The following NUMB variants were observed in gnomAD, a reference collection of about 807,000 sequenced individuals.
NUMB encodes protein numb homolog.
A neutral mutation model predicts 59.7 loss-of-function variants in NUMB; 29 were observed. That is an observed-to-expected ratio of 0.49 (90% CI 0.36 to 0.66). The LOEUF (loss-of-function observed/expected upper bound fraction) is 0.66. NUMB is among the 30% of genes least tolerant of loss of function. The probability of loss-of-function intolerance (pLI) is 0.00; values close to 1 mark genes in which losing one functional copy is unlikely to be tolerated. For synonymous variants in NUMB, 288 were observed against 288.2 expected (o/e 1.00, Z 0.01); for missense variants, 723 against 822.0 (o/e 0.88, Z 1.47).
In NUMB at chr14:73,292,725, T is replaced by G; in HGVS notation, c.450+9A>C. 6.2e-7 allele frequency: 1 copy of G among 1,613,970 alleles called. No individual in the cohort carries two copies. Among genetic ancestry groups the G allele is most frequent in the Non-Finnish European group, 8.5e-7 (1 of 1,179,894 alleles). On this transcript the variant is annotated intron_variant, in intron 8 of 12. Coordinates refer to ENST00000555238, the MANE Select transcript of NUMB (RefSeq NM_001005743.2). ...TACTCATCATGAAATACATATTTGC[T>G]GGACTCACTGTGTCCTTGACAGCCA... is the stretch of plus-strand genomic sequence containing the variant.
At chr14:73,289,766 A>G (rs1170865906) in intron 8 of NUMB, among the ~76,000 whole-genome samples, 1 of 152,222 alleles carries the variant, frequency 6.6e-6, no homozygotes, top group Non-Finnish European at 1.5e-5. Flanking sequence ...GTAGGATGAC[A>G]TTAGGCCAGA....
At chr14:73,333,545 TTTCTA>T (rs1005563248) in intron 4 of NUMB, among the ~76,000 whole-genome samples, 28 of 152,130 alleles carry the variant, frequency 1.8e-4, no homozygotes, top group African/African-American at 6.7e-4. Flanking sequence ...TTTGGAGAAA[TTTCTA>T]TTCAAGTCCT....
intron 6 of NUMB, among the ~76,000 whole-genome samples, chr14:73,300,804 C>A (rs183942799): frequency 2.0e-5 from 3 of 152,064 alleles, no homozygotes; most frequent in Admixed American, 6.6e-5. Flanking sequence ...ATTCCTCCCC[C>A]CTCCCCTCAC....
Position 73,276,828 on chromosome 14 carries a change from C to A in NUMB, c.1706G>T (p.Ser569Ile). ...CTTAAAGAAGGGACTGGTGGTAGCACTGCTTGCCTCGTAGTGAGGGAATGT... is the reference window on the plus strand; with the variant it reads ...CTTAAAGAAGGGACTGGTGGTAGCAATGCTTGCCTCGTAGTGAGGGAATGT... The part of the protein sequence containing the change: ...QQTFPHYEAS[S>I]ATTSPFFKPP... The change falls in exon 13 of 13, where the codon AGT becomes ATT. Residue 569 changes from serine (S) to isoleucine (I), a missense_variant. This residue lies in a region of NUMB where 406 missense variants were observed against 385.4 expected (regional missense o/e 1.05). Transcript: ENST00000555238. The A allele has an allele frequency of 6.2e-7, 1 of 1,614,106 alleles. No homozygotes were observed. Among genetic ancestry groups the A allele is most frequent in the Non-Finnish European group, 8.5e-7 (1 of 1,180,018 alleles).
Position 73,355,684 on chromosome 14 carries a change from T to C in NUMB, c.68A>G (p.His23Arg), listed in dbSNP as rs778980699. 54 of 1,613,672 alleles carry C rather than the reference T, an allele frequency of 3.3e-5. No individual in the cohort carries two copies. The highest frequency in any genetic ancestry group is 4.5e-5 in the Non-Finnish European group (53 of 1,179,606). Residue 23 changes from histidine to arginine, a missense_variant, in exon 4 of 13, where the codon CAT (histidine) becomes CGT (arginine). Physicochemically the swap from His to Arg is conservative, Grantham distance 29 (BLOSUM62 0). Around this residue, in one of 2 missense-constraint regions of NUMB, gnomAD observed 317 missense variants for 436.6 expected, o/e 0.73. Coordinates refer to ENST00000555238, the MANE Select transcript of NUMB (RefSeq NM_001005743.2). Reference protein sequence around the residue: ...DVYVPEASRPHQWQTDEEGVR... With the variant: ...DVYVPEASRPRQWQTDEEGVR... ...GCCTTCTTCATCTGTCTGCCACTGATGTGGACGACTGGCCTCTGGAACATA... is the reference window on the plus strand; with the variant it reads ...GCCTTCTTCATCTGTCTGCCACTGACGTGGACGACTGGCCTCTGGAACATA...
At chr14:73,325,298 T>C (rs1454833757) in intron 4 of NUMB, among the ~76,000 whole-genome samples, 1 of 151,980 alleles carries the variant, frequency 6.6e-6, no homozygotes, top group South Asian at 2.1e-4. Flanking sequence ...TGAGACCCTG[T>C]CTCTACAAAA....
chr14:73,334,609 A>G (rs1892189234), intron 4 of NUMB, among the ~76,000 whole-genome samples: 1 of 152,102 alleles, frequency 6.6e-6, no homozygotes, highest in African/African-American at 2.4e-5. Context: ...GTTAACTAGT[A>G]ATGTATAGTT....
intron 3 of NUMB, chr14:73,357,082 G>T: frequency 6.9e-6 from 6 of 867,802 alleles, no homozygotes; most frequent in Non-Finnish European, 8.3e-6. Flanking sequence ...AATGACAAAG[G>T]TACAAGTTTC....
At chr14:73,414,306 T>C (rs1897026335) in intron 1 of NUMB, among the ~76,000 whole-genome samples, 2 of 152,180 alleles carry the variant, frequency 1.3e-5, no homozygotes, top group African/African-American at 2.4e-5. Context: ...TCAGAGACTA[T>C]AGGAAAGGCT....
At chr14:73,403,334 A>G (rs1460177534) in intron 2 of NUMB, among the ~76,000 whole-genome samples, 1 of 152,246 alleles carries the variant, frequency 6.6e-6, no homozygotes, top group Admixed American at 6.5e-5. Flanking sequence ...AACTGCTTAC[A>G]GCCTGATTCA....
At chr14:73,315,142 AG>A (rs1470053985) in intron 6 of NUMB, among the ~76,000 whole-genome samples, 1 of 152,188 alleles carries the variant, frequency 6.6e-6, no homozygotes, top group Non-Finnish European at 1.5e-5. Context: ...ACTAGTATTA[AG>A]GTGACAAGTT....
intron 1 of NUMB, among the ~76,000 whole-genome samples, chr14:73,423,506 G>A (rs1344333095): frequency 2.6e-5 from 4 of 152,140 alleles, no homozygotes; most frequent in African/African-American, 9.7e-5. Flanking sequence ...GCTGGGCGTG[G>A]TGGCTGGTGC....
At chr14:73,406,092 G>GTTTT (rs551368866) in intron 2 of NUMB, among the ~76,000 whole-genome samples, 46 of 107,500 alleles carry the variant, frequency 4.3e-4, no homozygotes, top group African/African-American at 1.7e-3. Flanking sequence ...ACATATTTTT[G>GTTTT]TTTTTTTTTT....
chr14:73,367,296 T>TATATACAC (rs1406816784), intron 2 of NUMB, among the ~76,000 whole-genome samples: 39 of 120,992 alleles, frequency 3.2e-4, no homozygotes, highest in African/African-American at 1.3e-3. Flanking sequence ...TATATATATA[T>TATATACAC]ACACACACAC....
intron 2 of NUMB, among the ~76,000 whole-genome samples, chr14:73,380,994 A>C (rs1895209376): frequency 6.6e-6 from 1 of 152,204 alleles, no homozygotes; most frequent in Non-Finnish European, 1.5e-5. Context: ...AAGTGCTGGG[A>C]TTACAGGCAT....
intron 1 of NUMB, among the ~76,000 whole-genome samples, chr14:73,415,100 C>T (rs544972707): frequency 4.6e-5 from 7 of 152,340 alleles, no homozygotes; most frequent in Admixed American, 4.6e-4. Context: ...AACAAACCAA[C>T]TTCAAATGTA....
At chr14:73,284,409 T>C (rs374158353) in intron 9 of NUMB, 35 bp from the exon 10 acceptor site, 27 of 1,555,724 alleles carry the variant, frequency 1.7e-5, no homozygotes, top group Non-Finnish European at 2.3e-5. Context: ...ACCTTAGCAA[T>C]GTCTTCAAAT....
intron 6 of NUMB, chr14:73,297,506 C>A (rs898751778): frequency 5.3e-6 from 2 of 374,690 alleles, no homozygotes. Flanking sequence ...CAACGCAAAA[C>A]AATAAGATAA....
At chr14:73,413,500 G>A (rs1461994840) in intron 1 of NUMB, among the ~76,000 whole-genome samples, 1 of 151,636 alleles carries the variant, frequency 6.6e-6, no homozygotes, top group Non-Finnish European at 1.5e-5. Context: ...GCTCACGCTT[G>A]TAATCTCAGC....
Sources: gnomAD v4.1 joint callset for allele counts (sites outside exome capture counted in the v4.1 genomes callset) on GRCh38, gnomAD v4.1.1 for gene constraint, gnomAD v4.1.1 regional missense constraint, MANE v1.5 for transcripts, NCBI Gene and HGNC (gene_info 2026-07-23, HGNC 2026-07-21) for gene names.